The following ELOVL5 variants were observed in gnomAD, a reference collection of about 807,000 sequenced individuals.
The protein encoded by ELOVL5 is very long chain fatty acid elongase 5.
In ELOVL5, 8 loss-of-function variants were observed where a neutral mutation model predicts 38.6. The ratio of observed to expected loss-of-function variants is 0.21; its 90% CI spans 0.12 to 0.37. The LOEUF (loss-of-function observed/expected upper bound fraction) is 0.37, where lower values mean the gene tolerates loss of function less well. Ranked by LOEUF, ELOVL5 falls within the 10% of genes least tolerant of loss-of-function variation. The pLI is 1.00. For missense variants in ELOVL5, 280 were observed against 367.8 expected (o/e 0.76, Z 1.95); for synonymous variants, 127 against 133.7 (o/e 0.95, Z 0.34).
intron 7 of ELOVL5, 39 bp from the exon 8 acceptor site, chr6:53,269,309 A>C: frequency 6.6e-7 from 1 of 1,523,738 alleles, no homozygotes; most frequent in Non-Finnish European, 8.8e-7. Flanking sequence ...AAATGACCAC[A>C]GTTTTCTTTA....
At chr6:53,324,002 T>C (rs1052086147) in intron 1 of ELOVL5, among the ~76,000 whole-genome samples, 54 of 152,160 alleles carry the variant, frequency 3.5e-4, no homozygotes, top group Admixed American at 2.0e-4. Context: ...CTGTTAATCC[T>C]AGCACTTTGG....
intron 1 of ELOVL5, among the ~76,000 whole-genome samples, chr6:53,318,869 TATC>T (rs1400462412): frequency 1.3e-5 from 2 of 152,214 alleles, no homozygotes; most frequent in South Asian, 2.1e-4. Flanking sequence ...TCTAAAATAT[TATC>T]ATTTCAACAT....
intron 3 of ELOVL5, among the ~76,000 whole-genome samples, chr6:53,285,690 C>G (rs914320867): frequency 1.3e-5 from 2 of 152,200 alleles, no homozygotes; most frequent in Non-Finnish European, 2.9e-5. Context: ...CTCACCGGAA[C>G]CTTGAGCTCC....
intron 2 of ELOVL5, among the ~76,000 whole-genome samples, chr6:53,292,291 T>C (rs148196603): frequency 3.9e-5 from 6 of 152,336 alleles, no homozygotes; most frequent in Non-Finnish European, 7.3e-5. Flanking sequence ...TATACCAGAT[T>C]ACACATAGGG....
At position 53,285,767 on chromosome 6, in the gene ELOVL5, G is replaced by A. The variant is rs575047332; in HGVS notation, c.246+6009C>T. 2.0e-5 allele frequency among the ~76,000 whole-genome samples: 3 copies of A among 152,026 alleles called. No individual in the cohort carries two copies. The South Asian group carries it at 6.2e-4, about 32-fold the overall frequency. On this transcript the variant is annotated intron_variant, in intron 3 of 7. Coordinates refer to ENST00000304434, the MANE Select transcript of ELOVL5 (RefSeq NM_021814.5). ...AGGACAACAAGCTCGAGCCATGCCAGGCTAGTTATAAAATTTTTTGTAGAG... is the reference window on the plus strand; with the variant it reads ...AGGACAACAAGCTCGAGCCATGCCAAGCTAGTTATAAAATTTTTTGTAGAG...
chr6:53,311,664 A>G lies in ELOVL5; in HGVS notation c.-8-15957T>C, dbSNP rs368741037. Among the ~76,000 whole-genome samples, 5 of 152,262 alleles carry G rather than the reference A, an allele frequency of 3.3e-5. No individual in the cohort carries two copies. In the East Asian group the frequency reaches 9.6e-4, roughly 29 times the overall value. On this transcript the variant is annotated intron_variant, in intron 1 of 7. Transcript: ENST00000304434. ...GTTATTTGGCCATTAAAAGGAAGAC[A>G]GTACTGACATTTGCTATATCATGAA...
In ELOVL5 at chr6:53,276,250, T is replaced by C. The variant is rs1398348483; in HGVS notation, c.253A>G (p.Thr85Ala). The C allele has an allele frequency of 9.3e-6, 15 of 1,610,030 alleles. No individual in the cohort carries two copies. The highest frequency in any genetic ancestry group is 1.3e-5 in the Non-Finnish European group (15 of 1,176,366). ...LSLYMFCELV[T>A]GVWEGKYNFF... Reference sequence around the variant, plus strand: ...TTGTATTTGCCTTCCCATACTCCTGTTACTAACTAAAAAAGAAGAAAGAGC... The same window carrying C: ...TTGTATTTGCCTTCCCATACTCCTGCTACTAACTAAAAAAGAAGAAAGAGC... The change falls in exon 4 of 8, where the codon ACA becomes GCA. Residue 85 changes from threonine (T) to alanine (A), a missense_variant. By Grantham distance (58) the Thr-to-Ala change is moderately conservative. This residue lies in a region of ELOVL5 where 150 missense variants were observed against 178.0 expected (regional missense o/e 0.84). Coordinates refer to ENST00000304434, the MANE Select transcript of ELOVL5 (RefSeq NM_021814.5).
At position 53,268,982 on chromosome 6, in the gene ELOVL5, G is replaced by T; in HGVS notation, c.*145C>A. 1 of 917,580 alleles carries T rather than the reference G, an allele frequency of 1.1e-6. No individual in the cohort carries two copies. Among genetic ancestry groups the T allele is most frequent in the Non-Finnish European group, 1.7e-6 (1 of 604,306 alleles). The allele number at this position is 917,580 out of a possible 1,614,324, so 56.8% of individuals were successfully genotyped here. ...TATAATCTGTATACGTTTTCTAGGG[G>T]TTTTGAATTGATGAAAGAAGTCCTA... On this transcript the variant is annotated 3_prime_UTR_variant, in exon 8 of 8. Coordinates refer to ENST00000304434, the MANE Select transcript of ELOVL5 (RefSeq NM_021814.5).
Position 53,267,433 on chromosome 6 carries a change from T to C in ELOVL5, c.*1694A>G, listed in dbSNP as rs1765780543. 6.6e-6 allele frequency: 1 copy of C among 152,456 alleles called. No homozygotes were observed. Among genetic ancestry groups the C allele is most frequent in the Non-Finnish European group, 1.5e-5 (1 of 68,054 alleles). The allele number at this position is 152,456 out of a possible 1,614,324, so 9.4% of individuals were successfully genotyped here. A position where few individuals can be genotyped will look rare whatever the true frequency, so the allele number is the denominator to read the frequency against. On this transcript the variant is annotated 3_prime_UTR_variant, in exon 8 of 8. Coordinates refer to ENST00000304434, the MANE Select transcript of ELOVL5 (RefSeq NM_021814.5). ...CAAAAATGTTTTAATGATTACTGTT[T>C]AGACATTTAACAATGTAGGTATATC...
At chr6:53,305,091 C>T (rs1223288647) in intron 1 of ELOVL5, among the ~76,000 whole-genome samples, 1 of 133,832 alleles carries the variant, frequency 7.5e-6, no homozygotes, top group East Asian at 2.4e-4. Context: ...CGGGGCGGCT[C>T]GCTGGGCAGG....
intron 5 of ELOVL5, among the ~76,000 whole-genome samples, chr6:53,274,524 A>T (rs1023444983): frequency 2.6e-5 from 4 of 152,338 alleles, no homozygotes; most frequent in African/African-American, 7.2e-5. Flanking sequence ...TGAAGGTGGC[A>T]ATCTCTGAAA....
At chr6:53,347,007 C>A (rs912041097) in intron 1 of ELOVL5, among the ~76,000 whole-genome samples, 2 of 152,230 alleles carry the variant, frequency 1.3e-5, no homozygotes, top group African/African-American at 4.8e-5. Flanking sequence ...GATCCTGCCA[C>A]ATAAAATCCC....
chr6:53,273,235 G>A lies in ELOVL5; in HGVS notation c.606C>T (p.Ile202=). 6 of 1,613,794 alleles carry A rather than the reference G, an allele frequency of 3.7e-6. No individual in the cohort carries two copies. Among genetic ancestry groups the A allele is most frequent in the Non-Finnish European group, 5.1e-6 (6 of 1,179,754 alleles). Residue 202 remains isoleucine, a synonymous_variant, in exon 6 of 8, where the codon ATC becomes ATT. Transcript: ENST00000304434. Reference sequence around the variant, plus strand: ...AGTCACTCACCAGCTGCCCCTGAGTGATGTACTTCTTCCACCAGAGGTATG... The same window carrying A: ...AGTCACTCACCAGCTGCCCCTGAGTAATGTACTTCTTCCACCAGAGGTATG... ...MRPYLWWKKY[I]TQGQLLQFVL... is the part of the protein sequence containing the mutation.
intron 1 of ELOVL5, among the ~76,000 whole-genome samples, chr6:53,323,999 T>A (rs1768405536): frequency 6.6e-6 from 1 of 152,132 alleles, no homozygotes; most frequent in Non-Finnish European, 1.5e-5. Context: ...TGCCTGTTAA[T>A]CCTAGCACTT....
chr6:53,341,123 C>T (rs912146374), intron 1 of ELOVL5, among the ~76,000 whole-genome samples: 3 of 152,160 alleles, frequency 2.0e-5, no homozygotes, highest in African/African-American at 4.8e-5. Context: ...TCAGTGTGTA[C>T]GCTTCTGATT....
intron 1 of ELOVL5, among the ~76,000 whole-genome samples, chr6:53,319,627 T>C (rs1467189423): frequency 1.3e-5 from 2 of 152,196 alleles, no homozygotes; most frequent in Non-Finnish European, 2.9e-5. Flanking sequence ...ATATAATTAA[T>C]ATTCCCTATT....
intron 1 of ELOVL5, among the ~76,000 whole-genome samples, chr6:53,298,903 G>GGC (rs1554136857): frequency 6.7e-6 from 1 of 150,032 alleles, no homozygotes; most frequent in Non-Finnish European, 1.5e-5. Context: ...GGCAAGGCGG[G>GGC]GGGGGGGAGT....
chr6:53,306,370 A>G (rs1581959679), intron 1 of ELOVL5, among the ~76,000 whole-genome samples: 1 of 10,650 alleles, frequency 9.4e-5, no homozygotes, highest in Non-Finnish European at 1.4e-4. Flanking sequence ...GAGAGAGGGG[A>G]GAGGGAGAGG....
chr6:53,273,441 G>C, intron 5 of ELOVL5, 97 bp from the exon 6 acceptor site: 1 of 1,169,632 alleles, frequency 8.5e-7, no homozygotes, highest in Admixed American at 2.1e-5. Flanking sequence ...TTTTGAATCA[G>C]AAAGAGAGAT....
Sources: allele counts gnomAD v4.1 joint callset (sites outside exome capture counted in the v4.1 genomes callset), GRCh38; gene constraint gnomAD v4.1.1; regional missense constraint gnomAD v4.1.1; transcripts MANE v1.5; gene names NCBI Gene and HGNC (gene_info 2026-07-23, HGNC 2026-07-21).